The following GARS1 variants were observed in gnomAD, a reference collection of about 807,000 sequenced individuals.
GARS1 encodes the protein glycyl-tRNA synthetase 1.
In GARS1, 46 loss-of-function variants were observed where a neutral mutation model predicts 86.4. That is an observed-to-expected ratio of 0.53 (90% CI 0.42 to 0.68). GARS1 has a LOEUF of 0.68. GARS1 is among the 30% of genes least tolerant of loss of function. The pLI, the probability that GARS1 is intolerant of heterozygous loss-of-function variation, is 0.00. For missense variants in GARS1, 797 were observed against 915.6 expected (o/e 0.87, Z 1.67); for synonymous variants, 342 against 329.8 (o/e 1.04, Z -0.40).
At chr7:30,622,033 CAGA>C (rs1211649539) in intron 11 of GARS1, 12 of 443,200 alleles carry the variant, frequency 2.7e-5, no homozygotes, top group African/African-American at 2.4e-4. Context: ...AAATACTTAT[CAGA>C]AGTTCTTATG....
intron 12 of GARS1, among the ~76,000 whole-genome samples, chr7:30,623,716 C>G (rs1783066045): frequency 6.6e-6 from 1 of 152,096 alleles, no homozygotes. Flanking sequence ...ACTACAGATT[C>G]AAGAAGCTTA....
intron 1 of GARS1, among the ~76,000 whole-genome samples, chr7:30,598,210 C>T (rs868153196): frequency 5.3e-5 from 8 of 152,048 alleles, no homozygotes; most frequent in African/African-American, 1.4e-4. Flanking sequence ...TTAATCAATG[C>T]TTTTGTCTCC....
intron 1 of GARS1, among the ~76,000 whole-genome samples, chr7:30,598,287 C>T (rs1024766004): frequency 6.6e-6 from 1 of 151,814 alleles, no homozygotes; most frequent in African/African-American, 2.4e-5. Flanking sequence ...GTTAACTTGC[C>T]CGTGTGTTCT....
chr7:30,599,873 A>G (rs1791337160), intron 2 of GARS1, 74 bp from the exon 3 acceptor site: 14 of 959,984 alleles, frequency 1.5e-5, no homozygotes, highest in Non-Finnish European at 2.1e-5. Context: ...TGAGGAATAA[A>G]CTAAATTCAG....
rs529166485 is a variant in GARS1 at position 30,594,918 on chromosome 7, G to C, written c.-4G>C. On this transcript the variant is annotated 5_prime_UTR_variant, in exon 1 of 17. Coordinates refer to ENST00000389266, the MANE Select transcript of GARS1 (RefSeq NM_002047.4). The stretch of plus-strand genomic sequence containing the variant: ...CTCTCTGGACAGCCCAGGGCCGCAG[G>C]CTCATGCCCTCTCCGCGTCCAGTGC... 22 of 1,574,838 alleles carry C rather than the reference G, an allele frequency of 1.4e-5. No individual in the cohort carries two copies. The highest frequency in any genetic ancestry group is 6.9e-5 in the East Asian group (3 of 43,640).
In GARS1 at chr7:30,616,811, T is replaced by A. The variant is rs530274325; in HGVS notation, c.1195-303T>A. ...CATTCTTTAGTGTCAATTATGAATA[T>A]TGTTTTTAGTACTGTAGATTTAGAG... On this transcript the variant is annotated intron_variant, in intron 9 of 16. Transcript: ENST00000389266. 2.1e-4 allele frequency among the ~76,000 whole-genome samples: 32 copies of A among 152,372 alleles called. 1 individual carries two copies. In the South Asian group the frequency reaches 6.4e-3, roughly 31 times the overall value.
intron 7 of GARS1, 100 bp from the exon 8 acceptor site, chr7:30,611,996 T>G (rs1052237338): frequency 1.9e-5 from 21 of 1,079,600 alleles, no homozygotes; most frequent in Non-Finnish European, 3.0e-5. Context: ...GTTGTGAAAA[T>G]GGTATATTTA....
At chr7:30,604,156 T>A (rs1202685714) in intron 6 of GARS1, among the ~76,000 whole-genome samples, 1 of 152,184 alleles carries the variant, frequency 6.6e-6, no homozygotes, top group Non-Finnish European at 1.5e-5. Flanking sequence ...ATACTTTCTA[T>A]ATTAGAAGTA....
rs1347866505 is a variant in GARS1, at chr7:30,631,355, T to C, written c.1810-93T>C. 4 of 961,252 alleles carry C rather than the reference T, an allele frequency of 4.2e-6. No individual in the cohort carries two copies. The African/African-American group carries it at 6.5e-5, about 16-fold the overall frequency. The allele number at this position is 961,252 out of a possible 1,614,324, so 59.5% of individuals were successfully genotyped here. ...TGGTAATGACGTTATGCTTGAACAC[T>C]TGCTGAATATTAACCTCTTTTGGTT... On this transcript the variant is annotated intron_variant, in intron 14 of 16. Coordinates refer to ENST00000389266, the MANE Select transcript of GARS1 (RefSeq NM_002047.4).
intron 6 of GARS1, among the ~76,000 whole-genome samples, chr7:30,606,284 G>A (rs1415287092): frequency 6.8e-6 from 1 of 146,944 alleles, no homozygotes; most frequent in East Asian, 2.0e-4. Context: ...TTTCAAAATG[G>A]TGATTTTTGT....
chr7:30,627,090 G>C (rs1440190083), intron 13 of GARS1: 1 of 466,340 alleles, frequency 2.1e-6, no homozygotes, highest in Non-Finnish European at 4.4e-6. Context: ...TGAGTAATTT[G>C]GAGCACGTAT....
chr7:30,604,218 T>C (rs1425998523), intron 6 of GARS1, among the ~76,000 whole-genome samples: 1 of 152,208 alleles, frequency 6.6e-6, no homozygotes, highest in East Asian at 1.9e-4. Flanking sequence ...TGATCAAAAC[T>C]GCACGTCTCC....
intron 12 of GARS1, among the ~76,000 whole-genome samples, chr7:30,624,950 C>CT (rs546589054): frequency 0.041 from 6,140 of 149,220 alleles, 161 homozygotes; most frequent in Middle Eastern, 0.084. Context: ...AATTACAACT[C>CT]TTTTTTTTTT....
At position 30,617,117 on chromosome 7, in the gene GARS1, G is replaced by A. The variant is rs1782903666; in HGVS notation, c.1198G>A (p.Val400Met). ...GCTTGCTTATTGGTTGGTTTAGGGT[G>A]TGATTAATAACACAGTATTAGGCTA... ...MRLGDAVEQGVINNTVLGYFI... is the reference protein window; with the variant it reads ...MRLGDAVEQGMINNTVLGYFI... The change falls in exon 10 of 17, where the codon GTG becomes ATG. Residue 400 changes from valine to methionine, a missense_variant. Physicochemically the swap from Val to Met is conservative, Grantham distance 21 (BLOSUM62 1). Coordinates refer to ENST00000389266, the MANE Select transcript of GARS1 (RefSeq NM_002047.4). 4.3e-6 allele frequency: 7 copies of A among 1,614,070 alleles called. No individual in the cohort carries two copies. The highest frequency in any genetic ancestry group is 1.7e-4 in the Middle Eastern group (1 of 6,018).
rs772763919 is a variant in GARS1 at position 30,617,222 on chromosome 7, A to C, written c.1303A>C (p.Asn435His). ...ACTCCGCTTCCGGCAGCACATGGAG[A>C]ATGAGATGGCCCATTATGCCTGTGA... ...DKLRFRQHME[N>H]EMAHYACDCW... is the part of the protein sequence containing the mutation. Residue 435 changes from asparagine to histidine, a missense_variant, in exon 10 of 17, where the codon AAT (asparagine) becomes CAT (histidine). This residue lies in a region of GARS1 where 598 missense variants were observed against 738.7 expected (regional missense o/e 0.81). Transcript: ENST00000389266. 6.2e-7 allele frequency: 1 copy of C among 1,613,978 alleles called. No individual in the cohort carries two copies. Among genetic ancestry groups the C allele is most frequent in the Non-Finnish European group, 8.5e-7 (1 of 1,179,870 alleles).
chr7:30,598,770 G>A, intron 1 of GARS1, 26 bp from the exon 2 acceptor site: 1 of 1,569,548 alleles, frequency 6.4e-7, no homozygotes, highest in Non-Finnish European at 8.8e-7. Flanking sequence ...AACCAATCCT[G>A]AATATAAATT....
At chr7:30,596,558 A>G (rs957088936) in intron 1 of GARS1, among the ~76,000 whole-genome samples, 1 of 151,996 alleles carries the variant, frequency 6.6e-6, no homozygotes, top group Non-Finnish European at 1.5e-5. Flanking sequence ...AAAATCATCC[A>G]TCGGTAGTTA....
At chr7:30,618,996 GA>G (rs891825052) in intron 10 of GARS1, among the ~76,000 whole-genome samples, 1 of 152,108 alleles carries the variant, frequency 6.6e-6, no homozygotes, top group African/African-American at 2.4e-5. Context: ...TTTTGTATGA[GA>G]AAAGATTATT....
intron 16 of GARS1, among the ~76,000 whole-genome samples, chr7:30,633,486 A>G (rs1329284741): frequency 6.6e-6 from 1 of 152,216 alleles, no homozygotes; most frequent in East Asian, 1.9e-4. Context: ...TGTTTGTTCT[A>G]ATAGTTAAAT....
Sources: gnomAD v4.1 joint callset for allele counts (sites outside exome capture counted in the v4.1 genomes callset) on GRCh38, gnomAD v4.1.1 for gene constraint, gnomAD v4.1.1 regional missense constraint, MANE v1.5 for transcripts, NCBI Gene and HGNC (gene_info 2026-07-23, HGNC 2026-07-21) for gene names.